The following OAF variants were observed in gnomAD, a reference collection of about 807,000 sequenced individuals.
OAF encodes out at first homolog, also known as out at first protein homolog.
A neutral mutation model predicts 22.5 loss-of-function variants in OAF; 13 were observed. The observed-to-expected ratio is 0.58, with a 90% CI of 0.38 to 0.92. The LOEUF is 0.92. Among genes scored for constraint, OAF ranks in the 40% least tolerant of loss-of-function variants. OAF has a pLI of 0.00. For synonymous variants in OAF, 175 were observed against 170.5 expected (o/e 1.03, Z -0.21); for missense variants, 347 against 381.8 (o/e 0.91, Z 0.76).
intron 1 of OAF, among the ~76,000 whole-genome samples, chr11:120,215,841 G>C (rs559046086): frequency 6.6e-6 from 1 of 152,306 alleles, no homozygotes; most frequent in South Asian, 2.1e-4. Flanking sequence ...GGGCTGACCG[G>C]ATGGGGAGGG....
chr11:120,229,007 C>G lies in OAF; in HGVS notation c.687C>G (p.Leu229=). The G allele has an allele frequency of 6.2e-7, 1 of 1,613,532 alleles. No individual in the cohort carries two copies. The highest frequency in any genetic ancestry group is 1.1e-5 in the South Asian group (1 of 91,080). ...GLSLAWYPCM[L]KYCHSRDRPT... is the part of the protein sequence containing the mutation. The stretch of plus-strand genomic sequence containing the variant: ...GCCTGGCCTGGTACCCCTGCATGCT[C>G]AAGTACTGCCACAGCCGCGACCGGC... Residue 229 remains leucine, a synonymous_variant, in exon 4 of 4, where the codon CTC becomes CTG. Transcript: ENST00000328965.
chr11:120,226,442 C>G (rs1243419285), intron 2 of OAF, among the ~76,000 whole-genome samples: 3 of 152,248 alleles, frequency 2.0e-5, no homozygotes, highest in African/African-American at 7.2e-5. Context: ...GCCTGCTTTC[C>G]CAAAGGGACT....
At chr11:120,217,632 C>G (rs902808371) in intron 1 of OAF, 1 of 152,192 alleles carries the variant, frequency 6.6e-6, no homozygotes, top group Admixed American at 6.5e-5. Context: ...TCACTATGTA[C>G]GTTTTTTCCT....
At chr11:120,228,821 T>TGCCAACCCAAC in intron 3 of OAF, 47 bp from the exon 4 acceptor site, 5 of 520,278 alleles carry the variant, frequency 9.6e-6, no homozygotes, top group East Asian at 3.4e-5. Context: ...GGGAGCTCCT[T>TGCCAACCCAAC]CCCTCCCTCC....
At chr11:120,223,639 G>T (rs546656082) in intron 1 of OAF, among the ~76,000 whole-genome samples, 92 of 152,180 alleles carry the variant, frequency 6.0e-4, no homozygotes, top group Non-Finnish European at 1.2e-3. Flanking sequence ...TCATCCTCTA[G>T]TCTGGTCTGA....
chr11:120,227,261 T>G (rs1290647632), intron 3 of OAF, among the ~76,000 whole-genome samples: 1 of 152,300 alleles, frequency 6.6e-6, no homozygotes, highest in South Asian at 2.1e-4. Flanking sequence ...AATACCATGA[T>G]AGCTACAGGC....
chr11:120,221,107 A>T (rs559372709), intron 1 of OAF, among the ~76,000 whole-genome samples: 1 of 152,166 alleles, frequency 6.6e-6, no homozygotes, highest in Non-Finnish European at 1.5e-5. Context: ...GCACTCCCTC[A>T]TCCACCCTTT....
chr11:120,213,937 G>A (rs1458489467), intron 1 of OAF: 1 of 152,136 alleles, frequency 6.6e-6, no homozygotes, highest in Non-Finnish European at 1.5e-5. Flanking sequence ...GAGCACGCTG[G>A]TGTGTGCCTT....
intron 1 of OAF, among the ~76,000 whole-genome samples, chr11:120,219,103 G>A (rs1938248692): frequency 6.6e-6 from 1 of 151,718 alleles, no homozygotes; most frequent in Admixed American, 6.6e-5. Context: ...GCATGAGATG[G>A]GGAATTCACA....
intron 1 of OAF, among the ~76,000 whole-genome samples, chr11:120,220,603 A>G (rs1289859036): frequency 6.6e-6 from 1 of 152,128 alleles, no homozygotes; most frequent in Non-Finnish European, 1.5e-5. Context: ...GGATTGGCCA[A>G]CTCTGCAGAA....
chr11:120,226,993 C>A lies in OAF; in HGVS notation c.544C>A (p.Gln182Lys). 6.3e-7 allele frequency: 1 copy of A among 1,592,612 alleles called. No individual in the cohort carries two copies. Among genetic ancestry groups the A allele is most frequent in the Non-Finnish European group, 8.6e-7 (1 of 1,163,586 alleles). Reference sequence around the variant, plus strand: ...GGAGGATGTCCGGTTCTGGCTGGAGCAAGGTCAGCTGGGAGCTGGGCACTG... The same window carrying A: ...GGAGGATGTCCGGTTCTGGCTGGAGAAAGGTCAGCTGGGAGCTGGGCACTG... ...RQEDVRFWLEQGVDSSVFEAL... is the reference protein window; with the variant it reads ...RQEDVRFWLEKGVDSSVFEAL... The change falls in exon 3 of 4, where the codon CAA becomes AAA. Residue 182 changes from glutamine to lysine, a missense_variant. Transcript: ENST00000328965.
Position 120,229,596 on chromosome 11 carries a change from C to T in OAF, c.*454C>T, listed in dbSNP as rs1011235832. On this transcript the variant is annotated 3_prime_UTR_variant, in exon 4 of 4. Coordinates refer to ENST00000328965, the MANE Select transcript of OAF (RefSeq NM_178507.4). The stretch of plus-strand genomic sequence containing the variant: ...GCTGGCCCCTCAGTCCCTTCCTACT[C>T]CCCAACAAGGGGCTCACTATCCCCA... 1.2e-5 allele frequency: 2 copies of T among 167,790 alleles called. No homozygotes were observed. Among genetic ancestry groups the T allele is most frequent in the African/African-American group, 2.4e-5 (1 of 42,334 alleles). The allele number at this position is 167,790 out of a possible 1,614,324, so 10.4% of individuals were successfully genotyped here.
chr11:120,226,442 C>T (rs1243419285), intron 2 of OAF, among the ~76,000 whole-genome samples: 1 of 152,248 alleles, frequency 6.6e-6, no homozygotes, highest in Admixed American at 6.5e-5. Context: ...GCCTGCTTTC[C>T]CAAAGGGACT....
intron 1 of OAF, 27 bp from the exon 2 acceptor site, chr11:120,225,634 C>G: frequency 6.4e-7 from 1 of 1,564,724 alleles, no homozygotes; most frequent in Middle Eastern, 1.7e-4. Flanking sequence ...ACCCTCCAGC[C>G]GTTCCCATCC....
chr11:120,226,830 A>G lies in OAF; in HGVS notation c.381A>G (p.Ala127=), dbSNP rs200035341. 20 of 1,598,524 alleles carry G rather than the reference A, an allele frequency of 1.3e-5. No individual in the cohort carries two copies. In the East Asian group the frequency reaches 4.1e-4, roughly 32 times the overall value. ...MAKLRQKNPR[A]VRQAEEVRGL... ...CCCACACACAGAAAAATCCCCGGGCAGTGCGGCAGGCGGAGGAGGTTCGGG... is the reference window on the plus strand; with the variant it reads ...CCCACACACAGAAAAATCCCCGGGCGGTGCGGCAGGCGGAGGAGGTTCGGG... Residue 127 remains alanine, a synonymous_variant, in exon 3 of 4, where the codon GCA becomes GCG. Coordinates refer to ENST00000328965, the MANE Select transcript of OAF (RefSeq NM_178507.4).
In OAF at chr11:120,225,794, A is replaced by C. The variant is rs1167025965; in HGVS notation, c.365A>C (p.Gln122Pro). ...AGTGAGGCCATGGCCAAGCTCCGGC[A>C]GGTAAGTGCCCCACCAGGCCTGCCT... ...IPSEAMAKLR[Q>P]KNPRAVRQAE... Residue 122 changes from glutamine (Q) to proline (P), a missense_variant and splice_region_variant, in exon 2 of 4, where the codon CAG (glutamine) becomes CCG (proline). Gln to Pro is a moderately conservative substitution (Grantham distance 76, BLOSUM62 -1). Transcript: ENST00000328965. 3 of 1,598,236 alleles carry C rather than the reference A, an allele frequency of 1.9e-6. No individual in the cohort carries two copies. The East Asian group carries it at 7.0e-5, about 37-fold the overall frequency.
intron 1 of OAF, among the ~76,000 whole-genome samples, chr11:120,225,033 A>AAGGGGAAGTGGGG (rs2135096726): frequency 6.6e-6 from 1 of 152,276 alleles, no homozygotes; most frequent in East Asian, 1.9e-4. Flanking sequence ...CCATGGGGGA[A>AAGGGGAAGTGGGG]AGGGGAAGTG....
intron 1 of OAF, among the ~76,000 whole-genome samples, chr11:120,215,631 C>T (rs1304456568): frequency 6.6e-6 from 1 of 152,214 alleles, no homozygotes; most frequent in African/African-American, 2.4e-5. Flanking sequence ...GTGTAATTAG[C>T]CCTGGATGTA....
chr11:120,214,345 G>A lies in OAF; in HGVS notation c.231+2835G>A, dbSNP rs1938185024. 2.6e-5 allele frequency among the ~76,000 whole-genome samples: 4 copies of A among 152,328 alleles called. No homozygotes were observed. In the South Asian group the frequency reaches 8.3e-4, roughly 32 times the overall value. On this transcript the variant is annotated intron_variant, in intron 1 of 3. Coordinates refer to ENST00000328965, the MANE Select transcript of OAF (RefSeq NM_178507.4). ...ATTAGATACTGTGTTAAGGGCTCAA[G>A]ACATAGGAGCTGTTAGCTTTGCAAT...
Sources: allele counts gnomAD v4.1 joint callset (sites outside exome capture counted in the v4.1 genomes callset), GRCh38; gene constraint gnomAD v4.1.1; transcripts MANE v1.5; gene names NCBI Gene and HGNC (gene_info 2026-07-23, HGNC 2026-07-21).